Variants in DLGAP1 observed in about 807,000 individuals in gnomAD.
DLGAP1 encodes the protein disks large-associated protein 1.
Under a neutral mutation model 90.8 loss-of-function variants are expected in DLGAP1, and 11 were observed. That is an observed-to-expected ratio of 0.12 (90% CI 0.08 to 0.20). The LOEUF (loss-of-function observed/expected upper bound fraction) is 0.20. Ranked by LOEUF, DLGAP1 falls within the 10% of genes least tolerant of loss-of-function variation. The pLI is 1.00. For synonymous variants in DLGAP1, 558 were observed against 540.7 expected (o/e 1.03, Z -0.44); for missense variants, 1,050 against 1,333.8 (o/e 0.79, Z 3.31).
chr18:4,008,224 TATAC>T lies in DLGAP1; in HGVS notation c.-158-3027_-158-3024del, dbSNP rs1156728730. On this transcript the variant is annotated intron_variant, in intron 2 of 12. Transcript: ENST00000315677. ...ATATGTAAATAAATAAATATATATATATACACACACACACACACACACACACTCA... is the reference window on the plus strand; with the variant it reads ...ATATGTAAATAAATAAATATATATATACACACACACACACACACACACTCA... Among the ~76,000 whole-genome samples, 147 of 145,580 alleles carry T rather than the reference TATAC, an allele frequency of 1.0e-3. No homozygotes were observed. The South Asian group carries it at 0.011, about 11-fold the overall frequency.
At chr18:3,789,540 A>T (rs2065624926) in intron 5 of DLGAP1, among the ~76,000 whole-genome samples, 1 of 152,226 alleles carries the variant, frequency 6.6e-6, no homozygotes, top group Non-Finnish European at 1.5e-5. Context: ...TGATCAAGGC[A>T]GGACCATAGG....
intron 1 of DLGAP1, among the ~76,000 whole-genome samples, chr18:4,424,634 AC>A (rs2083112069): frequency 6.6e-6 from 1 of 152,154 alleles, no homozygotes; most frequent in Non-Finnish European, 1.5e-5. Context: ...TCAAACTGTG[AC>A]CAAACTGTTC....
At chr18:3,643,789 A>G (rs2059025427) in intron 7 of DLGAP1, among the ~76,000 whole-genome samples, 1 of 152,186 alleles carries the variant, frequency 6.6e-6, no homozygotes, top group African/African-American at 2.4e-5. Context: ...GGAAAACCCA[A>G]AAGTTTGATG....
intron 2 of DLGAP1, among the ~76,000 whole-genome samples, chr18:4,134,783 A>G (rs1482157309): frequency 1.3e-5 from 2 of 152,082 alleles, no homozygotes; most frequent in African/African-American, 4.8e-5. Flanking sequence ...CCTTGCCAGG[A>G]CATGATTTTT....
chr18:4,308,342 T>C (rs990875393), intron 1 of DLGAP1, among the ~76,000 whole-genome samples: 12 of 152,314 alleles, frequency 7.9e-5, no homozygotes, highest in African/African-American at 2.9e-4. Context: ...TATTTTGAGC[T>C]ACATAAAAAT....
intron 2 of DLGAP1, among the ~76,000 whole-genome samples, chr18:4,099,702 C>CTT (rs59311920): frequency 3.7e-5 from 5 of 133,842 alleles, no homozygotes; most frequent in African/African-American, 5.4e-5. Context: ...TCTTTTTTTA[C>CTT]TTTTTTTTTT....
intron 4 of DLGAP1, among the ~76,000 whole-genome samples, chr18:3,860,098 C>CAAAAAAAAAAAAAAAAA (rs1169488386): frequency 1.9e-5 from 2 of 104,918 alleles, no homozygotes; most frequent in Non-Finnish European, 2.0e-5. Context: ...GACTCTGTCT[C>CAAAAAAAAAAAAAAAAA]AAAAAATAAA....
chr18:3,905,626 A>T (rs1455555933), intron 3 of DLGAP1, among the ~76,000 whole-genome samples: 1 of 152,074 alleles, frequency 6.6e-6, no homozygotes. Flanking sequence ...CCCTCTGGAA[A>T]TTTCGAATCA....
chr18:3,655,935 C>T (rs960307416), intron 7 of DLGAP1: 1 of 739,268 alleles, frequency 1.4e-6, no homozygotes, highest in Non-Finnish European at 2.1e-6. Flanking sequence ...ATAAAATGAC[C>T]AGAACAAGGA....
At chr18:3,802,226 G>T (rs867045577) in intron 5 of DLGAP1, among the ~76,000 whole-genome samples, 1 of 149,886 alleles carries the variant, frequency 6.7e-6, no homozygotes, top group Non-Finnish European at 1.5e-5. Context: ...TTTGTGATCC[G>T]CCCGCCTCGG....
At chr18:4,140,932 G>GT (rs2076485541) in intron 2 of DLGAP1, among the ~76,000 whole-genome samples, 2 of 151,916 alleles carry the variant, frequency 1.3e-5, no homozygotes, top group African/African-American at 2.4e-5. Context: ...CATGTTATTT[G>GT]TTTTTTTCTC....
chr18:3,570,290 T>C (rs1033354996), intron 8 of DLGAP1, among the ~76,000 whole-genome samples: 2 of 151,830 alleles, frequency 1.3e-5, no homozygotes, highest in African/African-American at 4.8e-5. Flanking sequence ...AATTTTTTTT[T>C]TTTTTTGAGA....
intron 1 of DLGAP1, among the ~76,000 whole-genome samples, chr18:4,154,095 C>T (rs2076716839): frequency 6.6e-6 from 1 of 152,138 alleles, no homozygotes; most frequent in Admixed American, 6.5e-5. Context: ...CGGAATCTTG[C>T]TCTGTCATCC....
At chr18:3,990,264 A>C (rs1158980697) in intron 3 of DLGAP1, among the ~76,000 whole-genome samples, 1 of 152,010 alleles carries the variant, frequency 6.6e-6, no homozygotes, top group African/African-American at 2.4e-5. Context: ...CTGGATTAAG[A>C]AAATGTGGCA....
chr18:4,036,186 A>C (rs1458718486), intron 2 of DLGAP1, among the ~76,000 whole-genome samples: 3 of 152,162 alleles, frequency 2.0e-5, no homozygotes, highest in Non-Finnish European at 4.4e-5. Context: ...CCTTGAAATG[A>C]GGTAATACTA....
At chr18:4,097,188 A>G (rs1217463372) in intron 2 of DLGAP1, among the ~76,000 whole-genome samples, 1 of 152,212 alleles carries the variant, frequency 6.6e-6, no homozygotes, top group African/African-American at 2.4e-5. Flanking sequence ...TGGTACAGGG[A>G]TCAGGACTTC....
At chr18:4,453,890 C>T (rs1408167418) in intron 1 of DLGAP1, among the ~76,000 whole-genome samples, 1 of 152,138 alleles carries the variant, frequency 6.6e-6, no homozygotes, top group Non-Finnish European at 1.5e-5. Context: ...CATCTCCCAC[C>T]CAGCGTCCCA....
intron 3 of DLGAP1, among the ~76,000 whole-genome samples, chr18:3,906,032 G>T (rs1218978908): frequency 6.6e-6 from 1 of 152,124 alleles, no homozygotes; most frequent in Non-Finnish European, 1.5e-5. Flanking sequence ...CCAATCCCAA[G>T]TCCCTCCTTT....
chr18:4,077,721 G>A (rs1394825954), intron 2 of DLGAP1, among the ~76,000 whole-genome samples: 1 of 152,128 alleles, frequency 6.6e-6, no homozygotes, highest in Non-Finnish European at 1.5e-5. Context: ...TTAGAATTAT[G>A]GGTAAAATAA....
Sources: gnomAD v4.1 joint callset for allele counts (sites outside exome capture counted in the v4.1 genomes callset) on GRCh38, gnomAD v4.1.1 for gene constraint, MANE v1.5 for transcripts, NCBI Gene and HGNC (gene_info 2026-07-23, HGNC 2026-07-21) for gene names.